The following MED1 variants were observed in gnomAD, a reference collection of about 807,000 sequenced individuals.
MED1 encodes mediator of RNA polymerase II transcription subunit 1.
A neutral mutation model predicts 121.3 loss-of-function variants in MED1; 17 were observed. The observed-to-expected ratio is 0.14, with a 90% CI of 0.10 to 0.21. The LOEUF (loss-of-function observed/expected upper bound fraction) is 0.21, where lower values mean the gene tolerates loss of function less well. MED1 is among the 10% of genes least tolerant of loss of function. The pLI, the probability that MED1 is intolerant of heterozygous loss-of-function variation, is 1.00. For synonymous variants in MED1, 661 were observed against 694.4 expected (o/e 0.95, Z 0.76); for missense variants, 1,558 against 1,919.4 (o/e 0.81, Z 3.52).
intron 16 of MED1, among the ~76,000 whole-genome samples, chr17:39,412,813 G>A (rs2048369593): frequency 6.6e-6 from 1 of 152,106 alleles, no homozygotes; most frequent in Non-Finnish European, 1.5e-5. Context: ...TAGGATTACA[G>A]GGGTGACCCC....
Position 39,419,624 on chromosome 17 carries a change from T to C in MED1, c.1297+93A>G, listed in dbSNP as rs1255838100. 10 of 1,330,086 alleles carry C rather than the reference T, an allele frequency of 7.5e-6. No individual in the cohort carries two copies. The East Asian group carries it at 2.1e-4, about 28-fold the overall frequency. The allele number at this position is 1,330,086 out of a possible 1,614,324, so 82.4% of individuals were successfully genotyped here. A position where few individuals can be genotyped will look rare whatever the true frequency, so the allele number is the denominator to read the frequency against. The stretch of plus-strand genomic sequence containing the variant: ...TGAAAAAAAAAAAACTTTTTTTAAG[T>C]TCTACAGGTGATTCTGATGGGCCAC... On this transcript the variant is annotated intron_variant, in intron 14 of 16. Coordinates refer to ENST00000300651, the MANE Select transcript of MED1 (RefSeq NM_004774.4).
chr17:39,443,809 C>CAAAAGAAGA (rs2048701654), intron 2 of MED1, among the ~76,000 whole-genome samples, 181 bp from the exon 3 acceptor site: 1 of 151,296 alleles, frequency 6.6e-6, no homozygotes, highest in Non-Finnish European at 1.5e-5. Context: ...TCCATCCATG[C>CAAAAGAAGA]AAAATCCATA....
chr17:39,418,533 A>C (rs2048432100), intron 14 of MED1, among the ~76,000 whole-genome samples: 1 of 144,418 alleles, frequency 6.9e-6, no homozygotes, highest in Admixed American at 7.0e-5. Context: ...ACCCTGTCTC[A>C]AAAAAAAAAA....
chr17:39,415,006 T>G lies in MED1; in HGVS notation c.1499+20A>C. ...TATACATCTCTAAATGGGACTCAGA[T>G]GAAAAAGGGCCAAGGCTACCTTTGA... On this transcript the variant is annotated intron_variant, in intron 16 of 16. Coordinates refer to ENST00000300651, the MANE Select transcript of MED1 (RefSeq NM_004774.4). The G allele has an allele frequency of 6.2e-7, 1 of 1,606,108 alleles. No homozygotes were observed. The highest frequency in any genetic ancestry group is 8.5e-7 in the Non-Finnish European group (1 of 1,173,034).
At chr17:39,436,369 G>GAAAAAAAAAAAAAAAAAAA (rs10712248) in intron 6 of MED1, among the ~76,000 whole-genome samples, 1 of 114,904 alleles carries the variant, frequency 8.7e-6, no homozygotes, top group African/African-American at 3.5e-5. Context: ...TCAAAAAAAA[G>GAAAAAAAAAAAAAAAAAAA]AAAAAAAAAA....
In MED1 at chr17:39,406,006, G is replaced by T; in HGVS notation, c.*1469C>A. On this transcript the variant is annotated 3_prime_UTR_variant, in exon 17 of 17. Transcript: ENST00000300651. ...GAATAATCAGGAATGGCACAGTGCA[G>T]GTGTCAATATCAAAGTAAGGCCGCA... is the stretch of plus-strand genomic sequence containing the variant. 1.0e-6 allele frequency: 1 copy of T among 985,424 alleles called. No individual in the cohort carries two copies. Among genetic ancestry groups the T allele is most frequent in the Non-Finnish European group, 1.2e-6 (1 of 829,904 alleles). 61.0% of individuals were successfully genotyped at this position (985,424 alleles called of 1,614,324 possible).
Position 39,405,181 on chromosome 17 carries a change from G to A in MED1, c.*2294C>T, listed in dbSNP as rs1020701891. 5 of 1,527,086 alleles carry A rather than the reference G, an allele frequency of 3.3e-6. No homozygotes were observed. Among genetic ancestry groups the A allele is most frequent in the Non-Finnish European group, 4.4e-6 (5 of 1,132,568 alleles). The allele number at this position is 1,527,086 out of a possible 1,614,324, so 94.6% of individuals were successfully genotyped here. ...AAATGCAGTGCTCCCTGGTTCTCAG[G>A]CAGGGTGAAGCAGTTTAGCCCCGGC... is the stretch of plus-strand genomic sequence containing the variant. On this transcript the variant is annotated 3_prime_UTR_variant, in exon 17 of 17. Transcript: ENST00000300651.
intron 16 of MED1, 56 bp downstream of exon 16, chr17:39,414,967 TCAA>T: frequency 6.6e-7 from 1 of 1,509,824 alleles, no homozygotes; most frequent in Non-Finnish European, 9.2e-7. Context: ...CGCGCCCTAC[TCAA>T]CAACATTCTT....
chr17:39,410,408 T>C lies in MED1; in HGVS notation c.1813A>G (p.Thr605Ala). 6.2e-7 allele frequency: 1 copy of C among 1,614,028 alleles called. No individual in the cohort carries two copies. Among genetic ancestry groups the C allele is most frequent in the South Asian group, 1.1e-5 (1 of 91,070 alleles). ...TTCCCTGTGATTTGCAACAAACTGG[T>C]AAGAATTGGGTTCTGAGACACCTTG... ...FSKVSQNPIL[T>A]SLLQITGNGG... The change falls in exon 17 of 17, where the codon ACC (threonine) becomes GCC (alanine). Residue 605 changes from threonine (T) to alanine (A), a missense_variant. Thr to Ala is a moderately conservative substitution (Grantham distance 58). Around this residue, in one of 5 missense-constraint regions of MED1, gnomAD observed 793 missense variants for 898.2 expected, o/e 0.88. Coordinates refer to ENST00000300651, the MANE Select transcript of MED1 (RefSeq NM_004774.4).
At chr17:39,431,864 G>A (rs1188046961) in intron 8 of MED1, 78 bp downstream of exon 8, 2 of 940,658 alleles carry the variant, frequency 2.1e-6, no homozygotes, top group African/African-American at 3.3e-5. Flanking sequence ...GCTTAATAGA[G>A]ATGTATAAAA....
chr17:39,408,284 C>T lies in MED1; in HGVS notation c.3937G>A (p.Gly1313Arg), dbSNP rs1161238034. 6.2e-7 allele frequency: 1 copy of T among 1,614,116 alleles called. No homozygotes were observed. Among genetic ancestry groups the T allele is most frequent in the Non-Finnish European group, 8.5e-7 (1 of 1,180,040 alleles). The change falls in exon 17 of 17, where the codon GGG becomes AGG. Residue 1313 changes from glycine (G) to arginine (R), a missense_variant. By Grantham distance (125) the Gly-to-Arg change is moderately radical. Around this residue, in one of 5 missense-constraint regions of MED1, gnomAD observed 8 missense variants for 28.1 expected, o/e 0.28. Transcript: ENST00000300651. The surrounding 1 kb of genome is among the most constrained non-coding windows in gnomAD (Gnocchi z 4.7). ...LTAVIDKLKH[G>R]VVTSGPGGED... ...CCCCCAGGGCCACTGGTGACAACCC[C>T]ATGCTTCAGTTTATCTATGACAGCT...
chr17:39,443,546 A>T lies in MED1; in HGVS notation c.211+4T>A. 6.2e-7 allele frequency: 1 copy of T among 1,612,092 alleles called. No individual in the cohort carries two copies. Among genetic ancestry groups the T allele is most frequent in the Non-Finnish European group, 8.5e-7 (1 of 1,178,198 alleles). On this transcript the variant is annotated splice_donor_region_variant and intron_variant, in intron 3 of 16. Coordinates refer to ENST00000300651, the MANE Select transcript of MED1 (RefSeq NM_004774.4). ...ATCAGCATATTTCAAAAGTGTTCAC[A>T]AACCTTTGAGAGCCTTCTGCAATGT... is the stretch of plus-strand genomic sequence containing the variant.
chr17:39,405,016 A>G lies in MED1; in HGVS notation c.*2459T>C. The G allele has an allele frequency of 1.8e-6, 1 of 540,930 alleles. No homozygotes were observed. Among genetic ancestry groups the G allele is most frequent in the Non-Finnish European group, 3.1e-6 (1 of 318,546 alleles). The allele number at this position is 540,930 out of a possible 1,614,324, so 33.5% of individuals were successfully genotyped here. A position where few individuals can be genotyped will look rare whatever the true frequency, so the allele number is the denominator to read the frequency against. ...GAATCAGGTCAAACTGAGAATACAT[A>G]AGACACCAGCAGCAGAAGATAGGTA... is the stretch of plus-strand genomic sequence containing the variant. On this transcript the variant is annotated 3_prime_UTR_variant, in exon 17 of 17. Transcript: ENST00000300651.
chr17:39,444,593 G>A (rs1320384712), intron 2 of MED1, among the ~76,000 whole-genome samples: 5 of 151,860 alleles, frequency 3.3e-5, no homozygotes, highest in African/African-American at 7.3e-5. Context: ...GTTTGAGGCC[G>A]GTTGCAGTGG....
intron 14 of MED1, among the ~76,000 whole-genome samples, chr17:39,415,814 CAAAAAAAAAAAAAA>C (rs61614470): frequency 1.7e-4 from 7 of 40,638 alleles, no homozygotes; most frequent in East Asian, 8.2e-4. Context: ...GACTCCATCT[CAAAAAAAAAAAAAA>C]AAAAAAAAAA....
In MED1 at chr17:39,408,647, A is replaced by T. The variant is rs776792569; in HGVS notation, c.3574T>A (p.Ser1192Thr). The change falls in exon 17 of 17, where the codon TCC (serine) becomes ACC (threonine). Residue 1192 changes from serine (S) to threonine (T), a missense_variant. By Grantham distance (58) the Ser-to-Thr change is moderately conservative. Coordinates refer to ENST00000300651, the MANE Select transcript of MED1 (RefSeq NM_004774.4). The surrounding 1 kb of genome is among the most constrained non-coding windows in gnomAD (Gnocchi z 4.7). Reference protein sequence around the residue: ...MNPSLSKPNISPSHSRPPGGS... With the variant: ...MNPSLSKPNITPSHSRPPGGS... The stretch of plus-strand genomic sequence containing the variant: ...CCAGGTGGCCTTGAATGAGAAGGGG[A>T]TATGTTTGGTTTACTTAAAGAAGGA... The T allele has an allele frequency of 3.1e-6, 5 of 1,613,948 alleles. No homozygotes were observed. Among genetic ancestry groups the T allele is most frequent in the Non-Finnish European group, 4.2e-6 (5 of 1,179,974 alleles).
At position 39,409,693 on chromosome 17, in the gene MED1, G is replaced by A; in HGVS notation, c.2528C>T (p.Ala843Val). The change falls in exon 17 of 17, where the codon GCA becomes GTA. Residue 843 changes from alanine to valine, a missense_variant. Ala to Val is a moderately conservative substitution (Grantham distance 64, BLOSUM62 0). Around this residue, in one of 5 missense-constraint regions of MED1, gnomAD observed 793 missense variants for 898.2 expected, o/e 0.88. Transcript: ENST00000300651. Reference protein sequence around the residue: ...NPYTDPADLIADAAGSPSSDS... With the variant: ...NPYTDPADLIVDAAGSPSSDS... ...ACTACTGGGGCTTCCAGCAGCATCTGCAATAAGATCAGCTGGATCAGTGTA... is the reference window on the plus strand; with the variant it reads ...ACTACTGGGGCTTCCAGCAGCATCTACAATAAGATCAGCTGGATCAGTGTA... 6.2e-7 allele frequency: 1 copy of A among 1,614,102 alleles called. No individual in the cohort carries two copies. Among genetic ancestry groups the A allele is most frequent in the Non-Finnish European group, 8.5e-7 (1 of 1,180,034 alleles).
At chr17:39,450,019 G>T (rs2048767006) in intron 1 of MED1, among the ~76,000 whole-genome samples, 1 of 147,074 alleles carries the variant, frequency 6.8e-6, no homozygotes, top group African/African-American at 2.5e-5. Flanking sequence ...TCTCCATGTT[G>T]GTCAGGCTGG....
rs759616121 is a variant in MED1, at chr17:39,424,744, G to T, written c.740-6C>A. On this transcript the variant is annotated splice_region_variant and splice_polypyrimidine_tract_variant and intron_variant, in intron 10 of 16. Transcript: ENST00000300651. ...CATGCCCAAAGATCGAGAAACTGGG[G>T]ATAGGAAAGAAAAAGGGTATTCCTC... 9.9e-6 allele frequency: 15 copies of T among 1,522,636 alleles called. No homozygotes were observed. In the African/African-American group the frequency reaches 1.7e-4, roughly 17 times the overall value. The allele number at this position is 1,522,636 out of a possible 1,614,324, so 94.3% of individuals were successfully genotyped here. A position where few individuals can be genotyped will look rare whatever the true frequency, so the allele number is the denominator to read the frequency against.
Sources: gnomAD v4.1 joint callset for allele counts (sites outside exome capture counted in the v4.1 genomes callset) on GRCh38, gnomAD v4.1.1 for gene constraint, gnomAD v4.1.1 regional missense constraint, Gnocchi (gnomAD v3.1) non-coding constraint, MANE v1.5 for transcripts, NCBI Gene and HGNC (gene_info 2026-07-23, HGNC 2026-07-21) for gene names.